CYP39A1: variants seen among roughly 807,000 people sequenced by gnomAD.
CYP39A1 encodes cytochrome P450 family 39 subfamily A member 1.
In CYP39A1, 49 loss-of-function variants were observed where a neutral mutation model predicts 58.1. The observed-to-expected ratio is 0.84, with a 90% CI of 0.67 to 1.07. The LOEUF (loss-of-function observed/expected upper bound fraction) is 1.07. CYP39A1 is among the 50% of genes least tolerant of loss of function. The probability of loss-of-function intolerance (pLI) is 0.00; values close to 1 mark genes in which losing one functional copy is unlikely to be tolerated. For missense variants in CYP39A1, 531 were observed against 539.4 expected, an observed-to-expected ratio of 0.98 and a Z score of 0.16; for synonymous variants, 209 against 187.6, an observed-to-expected ratio of 1.11 and a Z score of -0.93.
At chr6:46,634,539 T>TTG (rs1333652418) in intron 5 of CYP39A1, among the ~76,000 whole-genome samples, 1 of 139,044 alleles carries the variant, frequency 7.2e-6, no homozygotes, top group Non-Finnish European at 1.6e-5. Context: ...TTTTTTTTTT[T>TTG]GAGATGGAGT....
chr6:46,573,762 G>C (rs1440241469), intron 10 of CYP39A1, among the ~76,000 whole-genome samples: 1 of 152,152 alleles, frequency 6.6e-6, no homozygotes, highest in African/African-American at 2.4e-5. Context: ...CTATAGCAGT[G>C]GGTGTCATCA....
chr6:46,584,981 A>G (rs1207172715), intron 10 of CYP39A1, among the ~76,000 whole-genome samples: 1 of 152,142 alleles, frequency 6.6e-6, no homozygotes, highest in Non-Finnish European at 1.5e-5. Flanking sequence ...ACTCATGCTC[A>G]AAGCCCCTAT....
intron 7 of CYP39A1, among the ~76,000 whole-genome samples, chr6:46,597,668 A>G (rs1773248284): frequency 6.6e-6 from 1 of 152,094 alleles, no homozygotes; most frequent in South Asian, 2.1e-4. Flanking sequence ...GAAAATGGCA[A>G]TGGGTCCAGT....
intron 8 of CYP39A1, among the ~76,000 whole-genome samples, chr6:46,589,473 C>G (rs1475203405): frequency 6.6e-6 from 1 of 151,748 alleles, no homozygotes; most frequent in Non-Finnish European, 1.5e-5. Context: ...AAAAATATGT[C>G]TTTTACTGGT....
chr6:46,554,434 A>C (rs777767621), intron 10 of CYP39A1, among the ~76,000 whole-genome samples: 18 of 152,170 alleles, frequency 1.2e-4, no homozygotes, highest in Admixed American at 2.6e-4. Context: ...CAGGACCTCT[A>C]AATCCACTTT....
At chr6:46,584,062 C>CA (rs1012623576) in intron 10 of CYP39A1, among the ~76,000 whole-genome samples, 6 of 151,718 alleles carry the variant, frequency 4.0e-5, no homozygotes, top group African/African-American at 4.8e-5. Context: ...ATTTCTAGTG[C>CA]AAAAAAAATC....
chr6:46,582,200 T>A (rs1021124763), intron 10 of CYP39A1, among the ~76,000 whole-genome samples: 13 of 152,200 alleles, frequency 8.5e-5, no homozygotes, highest in Non-Finnish European at 1.3e-4. Context: ...ATGGAACAAA[T>A]TCCTCAGAAT....
intron 10 of CYP39A1, among the ~76,000 whole-genome samples, chr6:46,556,911 T>C (rs1770691114): frequency 6.6e-6 from 1 of 151,994 alleles, no homozygotes; most frequent in African/African-American, 2.4e-5. Flanking sequence ...TGAAAAAATA[T>C]AGGCCCAGAA....
chr6:46,572,332 T>C (rs1029277959), intron 10 of CYP39A1, among the ~76,000 whole-genome samples: 2 of 152,166 alleles, frequency 1.3e-5, no homozygotes, highest in East Asian at 3.8e-4. Flanking sequence ...GAAGTACCTT[T>C]AGCATTTCTT....
chr6:46,565,024 CA>C (rs1771198271), intron 10 of CYP39A1, among the ~76,000 whole-genome samples: 1 of 152,152 alleles, frequency 6.6e-6, no homozygotes, highest in African/African-American at 2.4e-5. Flanking sequence ...CTGTGATTCT[CA>C]AATTTTAGTG....
At chr6:46,561,708 T>C (rs992896624) in intron 10 of CYP39A1, among the ~76,000 whole-genome samples, 1 of 152,102 alleles carries the variant, frequency 6.6e-6, no homozygotes, top group Admixed American at 6.6e-5. Context: ...TCTCGAAGCT[T>C]TATTACAACA....
chr6:46,579,412 G>A (rs1772005702), intron 10 of CYP39A1, among the ~76,000 whole-genome samples: 2 of 151,930 alleles, frequency 1.3e-5, no homozygotes, highest in Non-Finnish European at 2.9e-5. Context: ...ATGCTGAATG[G>A]GCAAAAATCG....
intron 11 of CYP39A1, among the ~76,000 whole-genome samples, chr6:46,553,322 TC>T (rs1309591323): frequency 6.6e-6 from 1 of 152,224 alleles, no homozygotes; most frequent in Non-Finnish European, 1.5e-5. Context: ...TCATTTCTGT[TC>T]ACTGTTTTTA....
At chr6:46,583,387 T>C in intron 10 of CYP39A1, 2 of 985,360 alleles carry the variant, frequency 2.0e-6, no homozygotes, top group Non-Finnish European at 2.4e-6. Flanking sequence ...AGCAAGCACA[T>C]CCCTAAGATC....
At chr6:46,551,708 C>A (rs954200539) in intron 11 of CYP39A1, among the ~76,000 whole-genome samples, 3 of 152,040 alleles carry the variant, frequency 2.0e-5, no homozygotes, top group Non-Finnish European at 4.4e-5. Flanking sequence ...AGTTGGTTTC[C>A]AAGTCCACTG....
chr6:46,637,794 T>G, intron 4 of CYP39A1, 35 bp downstream of exon 4: 1 of 1,599,458 alleles, frequency 6.3e-7, no homozygotes, highest in Non-Finnish European at 8.5e-7. Flanking sequence ...GAGATAAGCT[T>G]GGTCAATGAA....
intron 2 of CYP39A1, among the ~76,000 whole-genome samples, chr6:46,640,740 T>C (rs948282428): frequency 5.3e-5 from 8 of 152,052 alleles, no homozygotes; most frequent in Non-Finnish European, 1.2e-4. Context: ...CAGTACTCAA[T>C]AGTTAGTTTT....
intron 7 of CYP39A1, among the ~76,000 whole-genome samples, chr6:46,621,938 C>T (rs1475351661): frequency 6.6e-6 from 1 of 152,000 alleles, no homozygotes; most frequent in African/African-American, 2.4e-5. Flanking sequence ...AATCTAGCAA[C>T]ATATAAAGAA....
intron 1 of CYP39A1, among the ~76,000 whole-genome samples, chr6:46,642,850 A>G (rs575384884): frequency 1.3e-5 from 2 of 152,330 alleles, no homozygotes; most frequent in South Asian, 4.1e-4. Context: ...GTAACTCACT[A>G]GAAAAATGGA....
Sources: gnomAD v4.1 joint callset for allele counts (sites outside exome capture counted in the v4.1 genomes callset) on GRCh38, gnomAD v4.1.1 for gene constraint, MANE v1.5 for transcripts, NCBI Gene and HGNC (gene_info 2026-07-23, HGNC 2026-07-21) for gene names.